Variants in TSR3 observed in about 807,000 individuals in gnomAD.
TSR3 encodes 18S rRNA aminocarboxypropyltransferase.
TSR3 carries 31 observed loss-of-function variants against 28.1 expected under a neutral mutation model. The observed-to-expected ratio is 1.10, with a 90% confidence interval of 0.83 to 1.49. The LOEUF (loss-of-function observed/expected upper bound fraction) is 1.49. TSR3 is among the 40% of genes most tolerant of loss of function. The probability of loss-of-function intolerance (pLI) is 0.00; values close to 1 mark genes in which losing one functional copy is unlikely to be tolerated. For missense variants in TSR3, 511 were observed against 444.0 expected, an observed-to-expected ratio of 1.15 and a Z score of -1.36; for synonymous variants, 219 against 197.2, an observed-to-expected ratio of 1.11 and a Z score of -0.93.
At position 1,349,579 on chromosome 16, in the gene TSR3, G is replaced by A. The variant is rs758972532; in HGVS notation, c.797C>T (p.Ala266Val). The A allele has an allele frequency of 1.4e-5, 22 of 1,610,006 alleles. No individual in the cohort carries two copies. Among genetic ancestry groups the A allele is most frequent in the South Asian group, 4.4e-5 (4 of 90,706 alleles). Residue 266 changes from alanine (A) to valine (V), a missense_variant, in exon 6 of 6, where the codon GCG becomes GTG. By Grantham distance (64) the Ala-to-Val change is moderately conservative. Coordinates refer to ENST00000007390, the MANE Select transcript of TSR3 (RefSeq NM_001001410.3). ...RLPSDTDDSD[A>V]SEDPGPGAER... ...GGCGCCAGGCCCTGGGTCCTCAGAC[G>A]CATCACTGTCATCAGTGTCCGAGGG...
chr16:1,349,309 G>A lies in TSR3; in HGVS notation c.*128C>T. The A allele has an allele frequency of 2.9e-6, 3 of 1,029,918 alleles. No individual in the cohort carries two copies. Among genetic ancestry groups the A allele is most frequent in the African/African-American group, 1.6e-5 (1 of 63,316 alleles). 63.8% of individuals were successfully genotyped at this position (1,029,918 alleles called of 1,614,324 possible). ...CAGAGCACAGCTGTGCTGGAAGTGTGGGGAGAACCCGGACAGCTCAGTCCT... is the reference window on the plus strand; with the variant it reads ...CAGAGCACAGCTGTGCTGGAAGTGTAGGGAGAACCCGGACAGCTCAGTCCT... On this transcript the variant is annotated 3_prime_UTR_variant, in exon 6 of 6. Coordinates refer to ENST00000007390, the MANE Select transcript of TSR3 (RefSeq NM_001001410.3).
intron 3 of TSR3, among the ~76,000 whole-genome samples, chr16:1,350,525 CGTGGAGGAT>C (rs1204041620): frequency 1.3e-5 from 2 of 152,078 alleles, no homozygotes; most frequent in Non-Finnish European, 2.9e-5. Context: ...GTAAGGAGGA[CGTGGAGGAT>C]AAGGAGGATT....
At position 1,351,843 on chromosome 16, in the gene TSR3, G is replaced by T; in HGVS notation, c.-39C>A. ...GGTGCCGGGGACTCCCCACCCCACG[G>T]CCGCGCCCCTCGGCCTCCCAATGGG... On this transcript the variant is annotated 5_prime_UTR_variant, in exon 1 of 6. Coordinates refer to ENST00000007390, the MANE Select transcript of TSR3 (RefSeq NM_001001410.3). 1 of 1,280,240 alleles carries T rather than the reference G, an allele frequency of 7.8e-7. No individual in the cohort carries two copies. The highest frequency in any genetic ancestry group is 9.8e-7 in the Non-Finnish European group (1 of 1,017,948). 79.3% of individuals were successfully genotyped at this position (1,280,240 alleles called of 1,614,324 possible). A position where few individuals can be genotyped will look rare whatever the true frequency, so the allele number is the denominator to read the frequency against.
chr16:1,349,619 A>AGG lies in TSR3; in HGVS notation c.768-13_768-12dup, dbSNP rs749112750. 1.9e-6 allele frequency: 3 copies of AGG among 1,581,458 alleles called. No homozygotes were observed. Among genetic ancestry groups the AGG allele is most frequent in the Non-Finnish European group, 2.6e-6 (3 of 1,163,196 alleles). ...GTGTCCGAGGGCAGCCTGGGAGAGGAGGGGGAGCACGTTCCCAAATGACGT... is the reference window on the plus strand; with the variant it reads ...GTGTCCGAGGGCAGCCTGGGAGAGGAGGGGGGGAGCACGTTCCCAAATGACGT... On this transcript the variant is annotated splice_polypyrimidine_tract_variant and intron_variant, in intron 5 of 5. Transcript: ENST00000007390.
intron 3 of TSR3, among the ~76,000 whole-genome samples, chr16:1,350,523 G>A (rs946499122): frequency 1.3e-5 from 2 of 152,108 alleles, no homozygotes; most frequent in Admixed American, 6.5e-5. Flanking sequence ...CAGTAAGGAG[G>A]ACGTGGAGGA....
chr16:1,350,333 C>T (rs1455189208), intron 3 of TSR3, 99 bp from the exon 4 acceptor site: 53 of 1,299,722 alleles, frequency 4.1e-5, no homozygotes, highest in Non-Finnish European at 5.2e-5. Context: ...CCCAAGTAAC[C>T]GCAGGGTCCC....
In TSR3 at chr16:1,349,273, G is replaced by A. The variant is rs541793381; in HGVS notation, c.*164C>T. Reference sequence around the variant, plus strand: ...CTGCAGCTTCATTTGCGAGAGCGCCGAGGCAGGACACAGAGCACAGCTGTG... The same window carrying A: ...CTGCAGCTTCATTTGCGAGAGCGCCAAGGCAGGACACAGAGCACAGCTGTG... On this transcript the variant is annotated 3_prime_UTR_variant, in exon 6 of 6. Transcript: ENST00000007390. 2.7e-5 allele frequency: 21 copies of A among 778,170 alleles called. No homozygotes were observed. Among genetic ancestry groups the A allele is most frequent in the South Asian group, 1.8e-4 (11 of 62,282 alleles). The allele number at this position is 778,170 out of a possible 1,614,324, so 48.2% of individuals were successfully genotyped here.
chr16:1,349,788 G>C, intron 5 of TSR3, 101 bp downstream of exon 5: 1 of 1,481,486 alleles, frequency 6.7e-7, no homozygotes, highest in Admixed American at 1.8e-5. Flanking sequence ...CCATCGGGGT[G>C]TTGTTTACAA....
intron 3 of TSR3, 122 bp from the exon 4 acceptor site, chr16:1,350,356 G>T: frequency 9.0e-7 from 1 of 1,113,894 alleles, no homozygotes; most frequent in Non-Finnish European, 1.2e-6. Flanking sequence ...GCAAACATCA[G>T]CTCACAGTCC....
Position 1,349,431 on chromosome 16 carries a change from C to T in TSR3, c.*6G>A, listed in dbSNP as rs777951780. On this transcript the variant is annotated 3_prime_UTR_variant, in exon 6 of 6. Transcript: ENST00000007390. The stretch of plus-strand genomic sequence containing the variant: ...CCAGCCTCAAAAATATATGTGTCTG[C>T]AACCCTCAGTCTCTCTGCCGTTTCT... 1 of 1,613,610 alleles carries T rather than the reference C, an allele frequency of 6.2e-7. No homozygotes were observed. Among genetic ancestry groups the T allele is most frequent in the Non-Finnish European group, 8.5e-7 (1 of 1,179,838 alleles).
In TSR3 at chr16:1,350,241, G is replaced by A. The variant is rs766051684; in HGVS notation, c.527-7C>T. ...ACAGCAAGGTCTGGAAAGCCTGACG[G>A]TGTGAGAAACAGGAAACCCAAAGAA... On this transcript the variant is annotated splice_polypyrimidine_tract_variant and splice_region_variant and intron_variant, in intron 3 of 5. Coordinates refer to ENST00000007390, the MANE Select transcript of TSR3 (RefSeq NM_001001410.3). The A allele has an allele frequency of 4.4e-6, 7 of 1,578,718 alleles. No individual in the cohort carries two copies. The South Asian group carries it at 7.7e-5, about 17-fold the overall frequency.
chr16:1,350,346 GC>G (rs2034637396), intron 3 of TSR3, 112 bp from the exon 4 acceptor site: 1 of 1,170,716 alleles, frequency 8.5e-7, no homozygotes, highest in Admixed American at 2.7e-5. Context: ...AGGGTCCCCA[GC>G]AAACATCAGC....
chr16:1,350,166 G>A lies in TSR3; in HGVS notation c.595C>T (p.Arg199Cys). ...KWGKGFLDLN[R>C]QLLDKYAACG... ...GCCGCGTACTTGTCCAGGAGCTGGC[G>A]GTTCAGGTCCAAGAAGCCCTTGCCC... The change falls in exon 4 of 6, where the codon CGC becomes TGC. Residue 199 changes from arginine (R) to cysteine (C), a missense_variant. Transcript: ENST00000007390. The A allele has an allele frequency of 2.5e-6, 4 of 1,611,206 alleles. No homozygotes were observed. Among genetic ancestry groups the A allele is most frequent in the African/African-American group, 1.3e-5 (1 of 75,044 alleles).
rs1015478462 is a variant in TSR3 at position 1,351,598 on chromosome 16, G to A, written c.113C>T (p.Ala38Val). ...FAEEVGAALQ[A>V]SVEPGAADGE... is the part of the protein sequence containing the mutation. ...GTCAGCCGCCCCTGGCTCCACGGAA[G>A]CTGCACGAGAGAGAGAAGGGCACTC... is the stretch of plus-strand genomic sequence containing the variant. Residue 38 changes from alanine (A) to valine (V), a missense_variant and splice_region_variant, in exon 2 of 6, where the codon GCT (alanine) becomes GTT (valine). Coordinates refer to ENST00000007390, the MANE Select transcript of TSR3 (RefSeq NM_001001410.3). 10 of 1,474,844 alleles carry A rather than the reference G, an allele frequency of 6.8e-6. No individual in the cohort carries two copies. The African/African-American group carries it at 1.5e-4, about 22-fold the overall frequency. The allele number at this position is 1,474,844 out of a possible 1,614,324, so 91.4% of individuals were successfully genotyped here.
intron 5 of TSR3, 83 bp from the exon 6 acceptor site, chr16:1,349,691 C>G: frequency 2.0e-6 from 3 of 1,488,066 alleles, no homozygotes; most frequent in Non-Finnish European, 2.7e-6. Context: ...AAGCCCCCAG[C>G]CGAGGACAGA....
At position 1,350,062 on chromosome 16, in the gene TSR3, C is replaced by T. The variant is rs774660643; in HGVS notation, c.699G>A (p.Glu233=). 3.1e-6 allele frequency: 5 copies of T among 1,607,722 alleles called. No individual in the cohort carries two copies. In the Admixed American group the frequency reaches 6.7e-5, roughly 22 times the overall value. The part of the protein sequence containing the change: ...ANAKESPQEE[E]IDPFDVDSGR... ...TCCCACCCCGCCAAGGCTCACCGAT[C>T]TCCTCCTCCTGGGGGCTCTCCTTGG... The change falls in exon 4 of 6, where the codon GAG becomes GAA. Residue 233 remains glutamate (E), a synonymous_variant. Transcript: ENST00000007390.
rs771340303 is a variant in TSR3 at position 1,350,136 on chromosome 16, C to G, written c.625G>C (p.Gly209Arg). 6.2e-7 allele frequency: 1 copy of G among 1,612,326 alleles called. No individual in the cohort carries two copies. The highest frequency in any genetic ancestry group is 1.1e-5 in the South Asian group (1 of 91,056). The change falls in exon 4 of 6, where the codon GGC becomes CGC. Residue 209 changes from glycine to arginine, a missense_variant. Transcript: ENST00000007390. ...GCCTGCAGCACCTCCTCCGGGCTGC[C>G]GCAGGCCGCGTACTTGTCCAGGAGC... ...RQLLDKYAACGSPEEVLQAEQ... is the reference protein window; with the variant it reads ...RQLLDKYAACRSPEEVLQAEQ...
In TSR3 at chr16:1,351,441, GCCCAGGCGCAGGCAGCGCACCAGCC is replaced by G; in HGVS notation, c.245_269del (p.Gly82AlafsTer9). On this transcript the variant is annotated frameshift_variant, in exon 2 of 6. Transcript: ENST00000007390. LOFTEE classifies it high-confidence loss of function. ...TCAGCACCAGACCGCCGAATCTGTG[GCCCAGGCGCAGGCAGCGCACCAGCC>G]CCAGGCGGGCCAGCTTGCGGCCCGT... 2 of 1,595,034 alleles carry G rather than the reference GCCCAGGCGCAGGCAGCGCACCAGCC, an allele frequency of 1.3e-6. No individual in the cohort carries two copies. Among genetic ancestry groups the G allele is most frequent in the Non-Finnish European group, 8.5e-7 (1 of 1,178,540 alleles).
Position 1,350,966 on chromosome 16 carries a change from C to CGATGACG in TSR3, c.360_366dup (p.Asp123ArgfsTer69). On this transcript the variant is annotated frameshift_variant, in exon 3 of 6. Coordinates refer to ENST00000007390, the MANE Select transcript of TSR3 (RefSeq NM_001001410.3). LOFTEE classifies it high-confidence loss of function. ...TCGTCCAGCCTGGCCCAGGAGCAGT[C>CGATGACG]GATGACGGCGACCCCAGACTGCGCC... The CGATGACG allele has an allele frequency of 6.2e-7, 1 of 1,612,238 alleles. No individual in the cohort carries two copies. The highest frequency in any genetic ancestry group is 8.5e-7 in the Non-Finnish European group (1 of 1,179,882).
Sources: allele counts gnomAD v4.1 joint callset (sites outside exome capture counted in the v4.1 genomes callset), GRCh38; gene constraint gnomAD v4.1.1; transcripts MANE v1.5; gene names NCBI Gene and HGNC (gene_info 2026-07-23, HGNC 2026-07-21).